CD9: variants seen among roughly 807,000 people sequenced by gnomAD.
CD9 encodes the protein CD9 antigen.
Under a neutral mutation model 31.4 loss-of-function variants are expected in CD9, and 10 were observed. The observed-to-expected ratio is 0.32, with a 90% CI of 0.20 to 0.54. CD9 has a LOEUF of 0.54. Among genes scored for constraint, CD9 ranks in the 20% least tolerant of loss-of-function variants. The pLI, the probability that CD9 is intolerant of heterozygous loss-of-function variation, is 0.94. For missense variants in CD9, 259 were observed against 300.1 expected, an observed-to-expected ratio of 0.86 and a Z score of 1.01; for synonymous variants, 113 against 114.1, an observed-to-expected ratio of 0.99 and a Z score of 0.06.
At chr12:6,214,225 A>C (rs942945088) in intron 1 of CD9, among the ~76,000 whole-genome samples, 4 of 151,688 alleles carry the variant, frequency 2.6e-5, no homozygotes, top group African/African-American at 9.7e-5. Flanking sequence ...CTGTACATAA[A>C]CCACCTCCTG....
At position 6,232,881 on chromosome 12, in the gene CD9, C is replaced by A; in HGVS notation, c.273+152C>A. 1 of 706,524 alleles carries A rather than the reference C, an allele frequency of 1.4e-6. No individual in the cohort carries two copies. The highest frequency in any genetic ancestry group is 1.7e-5 in the African/African-American group (1 of 57,384). The allele number at this position is 706,524 out of a possible 1,614,324, so 43.8% of individuals were successfully genotyped here. On this transcript the variant is annotated intron_variant, in intron 3 of 7. Transcript: ENST00000009180. This position sits in a 1 kb window ranked among gnomAD's most constrained non-coding sequence, Gnocchi z 4.8. ...GCTGTCCTCAGCCTGGGCCCCTCCC[C>A]GATGTGAGGCGTCGCCCCTCTTCCT...
At chr12:6,237,038 G>T (rs1267648663) in intron 7 of CD9, among the ~76,000 whole-genome samples, 1 of 152,120 alleles carries the variant, frequency 6.6e-6, no homozygotes, top group Non-Finnish European at 1.5e-5. Flanking sequence ...GAGTGCAGTG[G>T]TGTGATCTCG....
At chr12:6,226,883 C>T (rs561438765) in intron 2 of CD9, among the ~76,000 whole-genome samples, 1 of 152,242 alleles carries the variant, frequency 6.6e-6, no homozygotes, top group South Asian at 2.1e-4. Flanking sequence ...GAGCCGGGTG[C>T]GGGTGCTGGG....
At chr12:6,216,357 T>C (rs964149725) in intron 1 of CD9, among the ~76,000 whole-genome samples, 3 of 152,166 alleles carry the variant, frequency 2.0e-5, no homozygotes, top group Non-Finnish European at 4.4e-5. Flanking sequence ...ACTTCCTGGG[T>C]GCTATGGACA....
At chr12:6,236,084 C>A in intron 6 of CD9, 108 bp from the exon 7 acceptor site, 1 of 1,534,254 alleles carries the variant, frequency 6.5e-7, no homozygotes, top group South Asian at 1.3e-5. Context: ...GTCCCCAGCC[C>A]ACCCTCTGCC....
chr12:6,206,515 C>T (rs929410610), intron 1 of CD9, among the ~76,000 whole-genome samples: 2 of 152,190 alleles, frequency 1.3e-5, no homozygotes, highest in Non-Finnish European at 2.9e-5. Flanking sequence ...TGAGCCACCG[C>T]GCCTGGCCTA....
intron 1 of CD9, among the ~76,000 whole-genome samples, chr12:6,207,522 G>A (rs971123152): frequency 3.3e-5 from 5 of 152,246 alleles, no homozygotes; most frequent in African/African-American, 1.2e-4. Context: ...CTTCCAGCCA[G>A]GTTGGGCCTC....
chr12:6,200,767 C>T, intron 1 of CD9: 1 of 461,236 alleles, frequency 2.2e-6, no homozygotes, highest in Non-Finnish European at 3.8e-6. Flanking sequence ...CGGGCGCATT[C>T]GGGTGGGGGC....
At chr12:6,221,293 T>C (rs1946289086) in intron 1 of CD9, among the ~76,000 whole-genome samples, 2 of 152,186 alleles carry the variant, frequency 1.3e-5, no homozygotes, top group African/African-American at 4.8e-5. Flanking sequence ...GAGGAAACCA[T>C]GGGCAGGGCC....
rs1004822750 is a variant in CD9, at chr12:6,235,104, G to C, written c.349-125G>C. ...TAGCAGCTGCCATCTGCCCAGTGACGTTGTCCAAGCACAGGCATCTGGTGG... is the reference window on the plus strand; with the variant it reads ...TAGCAGCTGCCATCTGCCCAGTGACCTTGTCCAAGCACAGGCATCTGGTGG... On this transcript the variant is annotated intron_variant, in intron 4 of 7. Transcript: ENST00000009180. 4 of 744,726 alleles carry C rather than the reference G, an allele frequency of 5.4e-6. No homozygotes were observed. In the African/African-American group the frequency reaches 7.0e-5, roughly 13 times the overall value. 46.1% of individuals were successfully genotyped at this position (744,726 alleles called of 1,614,324 possible).
intron 2 of CD9, among the ~76,000 whole-genome samples, chr12:6,231,450 G>T (rs1395774410): frequency 6.6e-6 from 1 of 152,218 alleles, no homozygotes; most frequent in Non-Finnish European, 1.5e-5. Context: ...GATAGAACAT[G>T]CCTGCAAGAC....
rs796513591 is a variant in CD9, at chr12:6,200,471, G to A, written c.-29G>A. ...GCGCGCGCCCCCCAGTCCCGCACCC[G>A]TTCGGCCCAGGCTAAGTTAGCCCTC... On this transcript the variant is annotated 5_prime_UTR_variant, in exon 1 of 8. Coordinates refer to ENST00000009180, the MANE Select transcript of CD9 (RefSeq NM_001769.4). 2.5e-6 allele frequency: 4 copies of A among 1,569,168 alleles called. No homozygotes were observed. The Admixed American group carries it at 5.0e-5, about 20-fold the overall frequency.
intron 1 of CD9, among the ~76,000 whole-genome samples, chr12:6,218,788 G>A (rs1478015804): frequency 6.6e-6 from 1 of 152,136 alleles, no homozygotes; most frequent in Non-Finnish European, 1.5e-5. Flanking sequence ...TCAGTGGTGA[G>A]TGGGTGTGGC....
intron 1 of CD9, among the ~76,000 whole-genome samples, chr12:6,214,232 C>T (rs1356228157): frequency 6.6e-6 from 1 of 151,940 alleles, no homozygotes; most frequent in Non-Finnish European, 1.5e-5. Flanking sequence ...TAAACCACCT[C>T]CTGTAATGTG....
chr12:6,209,223 G>A lies in CD9; in HGVS notation c.66+8658G>A, dbSNP rs561301664. 2.6e-5 allele frequency among the ~76,000 whole-genome samples: 4 copies of A among 152,312 alleles called. No homozygotes were observed. The South Asian group carries it at 8.3e-4, about 32-fold the overall frequency. On this transcript the variant is annotated intron_variant, in intron 1 of 7. Coordinates refer to ENST00000009180, the MANE Select transcript of CD9 (RefSeq NM_001769.4). ...GATCCACCCACCTCTGCCTCCCAAA[G>A]TGCTGGGATTATAGGCGTGAGCCAC...
At chr12:6,223,261 CTTTTT>C (rs11307227) in intron 1 of CD9, among the ~76,000 whole-genome samples, 2 of 133,208 alleles carry the variant, frequency 1.5e-5, no homozygotes. Flanking sequence ...CACCTTTGTA[CTTTTT>C]TTTTTTTTTT....
chr12:6,235,807 A>C, intron 6 of CD9: 3 of 1,384,380 alleles, frequency 2.2e-6, no homozygotes, highest in Non-Finnish European at 9.3e-7. Context: ...GCCAGCCCGG[A>C]AGCTCTCAAG....
chr12:6,236,063 C>G, intron 6 of CD9, 129 bp from the exon 7 acceptor site: 9 of 1,472,876 alleles, frequency 6.1e-6, no homozygotes, highest in Non-Finnish European at 8.1e-6. Context: ...CTCTTATCCC[C>G]GAACACTCCT....
intron 7 of CD9, chr12:6,236,551 G>A: frequency 4.0e-6 from 2 of 500,404 alleles, no homozygotes; most frequent in Non-Finnish European, 3.5e-6. Flanking sequence ...ATGGGTGGCA[G>A]TGCTGGCACT....
Sources: gnomAD v4.1 joint callset for allele counts (sites outside exome capture counted in the v4.1 genomes callset) on GRCh38, gnomAD v4.1.1 for gene constraint, Gnocchi (gnomAD v3.1) non-coding constraint, MANE v1.5 for transcripts, NCBI Gene and HGNC (gene_info 2026-07-23, HGNC 2026-07-21) for gene names.